Variants in ASH1L observed in about 807,000 individuals in gnomAD.
ASH1L encodes the protein histone-lysine N-methyltransferase ASH1L.
A neutral mutation model predicts 269.0 loss-of-function variants in ASH1L; 23 were observed. The observed-to-expected ratio is 0.09, with a 90% CI of 0.06 to 0.12. The LOEUF (loss-of-function observed/expected upper bound fraction) is 0.12. Ranked by LOEUF, ASH1L falls within the 10% of genes least tolerant of loss-of-function variation. The pLI is 1.00. For synonymous variants in ASH1L, 1,187 were observed against 1,253.5 expected (o/e 0.95, Z 1.12); for missense variants, 2,912 against 3,567.8 (o/e 0.82, Z 4.68).
chr1:155,392,265 T>C (rs1037898383), intron 7 of ASH1L, among the ~76,000 whole-genome samples: 7 of 152,212 alleles, frequency 4.6e-5, no homozygotes, highest in Non-Finnish European at 7.3e-5. Flanking sequence ...TCCTGAAACA[T>C]GGCCCTTAAA....
chr1:155,540,159 C>T (rs1670332421), intron 1 of ASH1L, among the ~76,000 whole-genome samples: 1 of 152,098 alleles, frequency 6.6e-6, no homozygotes, highest in Non-Finnish European at 1.5e-5. Flanking sequence ...TCCCTAATCA[C>T]ACTCATAACT....
intron 1 of ASH1L, among the ~76,000 whole-genome samples, chr1:155,532,983 A>AGAGT (rs749840519): frequency 5.3e-4 from 75 of 141,860 alleles, no homozygotes; most frequent in South Asian, 8.8e-4. Context: ...AGAGAGAGAG[A>AGAGT]GTGTGTGTGT....
chr1:155,399,825 T>C (rs1181540616), intron 6 of ASH1L, among the ~76,000 whole-genome samples: 1 of 152,130 alleles, frequency 6.6e-6, no homozygotes. Flanking sequence ...AGGTAGTTCA[T>C]ACTACACAGA....
At chr1:155,529,462 C>T (rs2148863538) in intron 1 of ASH1L, among the ~76,000 whole-genome samples, 1 of 151,788 alleles carries the variant, frequency 6.6e-6, no homozygotes, top group Middle Eastern at 3.4e-3. Context: ...AGCTTTTCCT[C>T]ATGATTGTTG....
rs71270465 is a variant in ASH1L, at chr1:155,559,534, C to CAA, written c.-100+2617_-100+2618dup. On this transcript the variant is annotated intron_variant, in intron 1 of 27. Transcript: ENST00000392403. The stretch of plus-strand genomic sequence containing the variant: ...TGTTAACAAGAGTGAAACTCAGTCT[C>CAA]AAAAAAAAAAAAAAAAAGCACAAGA... Among the ~76,000 whole-genome samples, 196 of 84,894 alleles carry CAA rather than the reference C, an allele frequency of 2.3e-3. 1 individual carries two copies. The Middle Eastern group carries it at 0.029, about 12-fold the overall frequency. The allele number at this position is 84,894 out of a possible 152,430, so 55.7% of individuals were successfully genotyped here.
intron 2 of ASH1L, among the ~76,000 whole-genome samples, chr1:155,486,701 C>T (rs1666349522): frequency 6.6e-6 from 1 of 151,964 alleles, no homozygotes; most frequent in Admixed American, 6.6e-5. Context: ...AAAACAATTC[C>T]CATTCATTAC....
rs113938337 is a variant in ASH1L, at chr1:155,433,282, C to T, written c.5828+5045G>A. The T allele has an allele frequency of 1.2e-3, 1,810 of 1,567,338 alleles. 23 individuals carry two copies. In the African/African-American group the frequency reaches 0.023, roughly 20 times the overall value. On this transcript the variant is annotated intron_variant, in intron 5 of 27. Coordinates refer to ENST00000392403, the MANE Select transcript of ASH1L (RefSeq NM_018489.3). Reference sequence around the variant, plus strand: ...AGCCGGGCTGGGTTGATCCTCGGACCTGGCTAAGCTTCCAAGGCCCTCCTG... The same window carrying T: ...AGCCGGGCTGGGTTGATCCTCGGACTTGGCTAAGCTTCCAAGGCCCTCCTG...
chr1:155,396,258 A>G (rs1658336505), intron 6 of ASH1L: 1 of 152,178 alleles, frequency 6.6e-6, no homozygotes, highest in Non-Finnish European at 1.5e-5. Flanking sequence ...AAAGGGCCTT[A>G]GAAGAGTCTC....
chr1:155,438,749 A>T lies in ASH1L; in HGVS notation c.5406T>A (p.Ala1802=), dbSNP rs1662303663. 6.2e-7 allele frequency: 1 copy of T among 1,614,008 alleles called. No individual in the cohort carries two copies. Among genetic ancestry groups the T allele is most frequent in the African/African-American group, 1.3e-5 (1 of 74,896 alleles). The change falls in exon 5 of 28, where the codon GCT becomes GCA. Residue 1802 remains alanine (A), a synonymous_variant. Transcript: ENST00000392403. ...ACATTTTCCGAGCTTGGCGTTGCAT[A>T]GCTTCCACTACACTTCTCTTGATAT... ...PHHIKRSVVE[A]MQRQARKMCN...
chr1:155,358,993 G>A (rs888554633), intron 13 of ASH1L, among the ~76,000 whole-genome samples: 4 of 152,014 alleles, frequency 2.6e-5, no homozygotes, highest in Non-Finnish European at 5.9e-5. Context: ...AGTGGTACAC[G>A]CCTGCGGTCC....
intron 2 of ASH1L, among the ~76,000 whole-genome samples, chr1:155,502,882 A>G (rs1267342173): frequency 6.6e-6 from 1 of 152,202 alleles, no homozygotes. Flanking sequence ...GGTTGAGACA[A>G]ATAGAATTTT....
intron 1 of ASH1L, among the ~76,000 whole-genome samples, chr1:155,547,391 T>G (rs1398724637): frequency 6.6e-6 from 1 of 151,746 alleles, no homozygotes; most frequent in Non-Finnish European, 1.5e-5. Flanking sequence ...CCATCAATGA[T>G]AGACTGGATA....
At position 155,423,228 on chromosome 1, in the gene ASH1L, C is replaced by T. The variant is rs1186889955; in HGVS notation, c.5829-7305G>A. ...CCTCCCAAAGTGTTGGGATTACAGGCGTGAGCCACCACGCCTGGACATGTA... is the reference window on the plus strand; with the variant it reads ...CCTCCCAAAGTGTTGGGATTACAGGTGTGAGCCACCACGCCTGGACATGTA... On this transcript the variant is annotated intron_variant, in intron 5 of 27. Transcript: ENST00000392403. Among the ~76,000 whole-genome samples the T allele has an allele frequency of 5.3e-5, 8 of 150,596 alleles. No individual in the cohort carries two copies. The East Asian group carries it at 1.4e-3, about 27-fold the overall frequency.
chr1:155,389,240 T>C (rs1657702883), intron 7 of ASH1L, among the ~76,000 whole-genome samples: 1 of 151,780 alleles, frequency 6.6e-6, no homozygotes, highest in South Asian at 2.1e-4. Flanking sequence ...TCAGGTGATC[T>C]GCCTGCCTCG....
intron 21 of ASH1L, 60 bp downstream of exon 21, chr1:155,346,321 TGA>T (rs749205046): frequency 5.8e-6 from 9 of 1,543,064 alleles, no homozygotes; most frequent in Admixed American, 1.7e-5. Flanking sequence ...GCAGGACAGG[TGA>T]GATACCATGT....
In ASH1L at chr1:155,353,149, C is replaced by T. The variant is rs140780349; in HGVS notation, c.7214-291G>A. Among the ~76,000 whole-genome samples, 5 of 152,276 alleles carry T rather than the reference C, an allele frequency of 3.3e-5. No homozygotes were observed. In the East Asian group the frequency reaches 9.6e-4, roughly 29 times the overall value. Reference sequence around the variant, plus strand: ...TATCAGCATCTGAATTCTGGTGTCACTGCTTATTAGTTGTGTGATCTTGGG... The same window carrying T: ...TATCAGCATCTGAATTCTGGTGTCATTGCTTATTAGTTGTGTGATCTTGGG... On this transcript the variant is annotated intron_variant, in intron 16 of 27. Transcript: ENST00000392403.
At chr1:155,507,033 A>G (rs1667859653) in intron 2 of ASH1L, among the ~76,000 whole-genome samples, 1 of 152,248 alleles carries the variant, frequency 6.6e-6, no homozygotes, top group South Asian at 2.1e-4. Context: ...CTGTAATCCC[A>G]GCACTTTGGG....
intron 5 of ASH1L, among the ~76,000 whole-genome samples, chr1:155,435,027 G>T (rs537690507): frequency 6.6e-6 from 1 of 152,000 alleles, no homozygotes; most frequent in East Asian, 1.9e-4. Flanking sequence ...GCATGGTGGC[G>T]CATGCTTGTA....
chr1:155,366,724 A>C (rs1178009826), intron 12 of ASH1L, among the ~76,000 whole-genome samples: 1 of 152,178 alleles, frequency 6.6e-6, no homozygotes, highest in Non-Finnish European at 1.5e-5. Flanking sequence ...CACAGGCTGG[A>C]GTGCAGTGGC....
Sources: gnomAD v4.1 joint callset for allele counts (sites outside exome capture counted in the v4.1 genomes callset) on GRCh38, gnomAD v4.1.1 for gene constraint, MANE v1.5 for transcripts, NCBI Gene and HGNC (gene_info 2026-07-23, HGNC 2026-07-21) for gene names.